PRPF6: variants seen among roughly 807,000 people sequenced by gnomAD.
PRPF6 encodes pre-mRNA processing factor 6.
A neutral mutation model predicts 118.3 loss-of-function variants in PRPF6; 42 were observed. The ratio of observed to expected loss-of-function variants is 0.35; its 90% CI spans 0.28 to 0.46. The LOEUF is 0.46. Among genes scored for constraint, PRPF6 ranks in the 20% least tolerant of loss-of-function variants. PRPF6 has a pLI of 1.00. For missense variants in PRPF6, 662 were observed against 1,255.7 expected, an observed-to-expected ratio of 0.53 and a Z score of 7.15; for synonymous variants, 481 against 485.1, an observed-to-expected ratio of 0.99 and a Z score of 0.11.
intron 10 of PRPF6, 104 bp downstream of exon 10, chr20:64,010,422 C>A: frequency 1.0e-6 from 1 of 986,174 alleles, no homozygotes; most frequent in Non-Finnish European, 1.6e-6. Flanking sequence ...TGAGCTCACT[C>A]AGGCTGCAAT....
chr20:64,006,241 A>G (rs963179150), intron 9 of PRPF6, among the ~76,000 whole-genome samples: 1 of 151,500 alleles, frequency 6.6e-6, no homozygotes, highest in African/African-American at 2.4e-5. Context: ...GGGCTGGTAC[A>G]TGAGGAGGCC....
intron 7 of PRPF6, 92 bp downstream of exon 7, chr20:63,999,231 G>A: frequency 2.9e-6 from 3 of 1,036,076 alleles, no homozygotes; most frequent in Admixed American, 1.9e-5. Flanking sequence ...TGTCAAAATG[G>A]GACATGGCGG....
chr20:64,014,198 C>G (rs2059227599), intron 11 of PRPF6, among the ~76,000 whole-genome samples: 1 of 152,068 alleles, frequency 6.6e-6, no homozygotes, highest in African/African-American at 2.4e-5. Context: ...CCTCGGCCTC[C>G]CAGAGTGCTG....
At chr20:64,022,902 C>T (rs773721208) in intron 13 of PRPF6, 24 bp downstream of exon 13, 2 of 1,613,786 alleles carry the variant, frequency 1.2e-6, no homozygotes, top group Non-Finnish European at 1.7e-6. Context: ...CCCGCCTGCC[C>T]AAGGGTGCTA....
intron 3 of PRPF6, among the ~76,000 whole-genome samples, chr20:63,986,850 ACT>A (rs1252857104): frequency 7.3e-5 from 11 of 150,638 alleles, no homozygotes; most frequent in Admixed American, 2.7e-4. Flanking sequence ...GATGATAAAA[ACT>A]CTCAAAAAAC....
At chr20:64,021,880 C>G (rs1479846386) in intron 12 of PRPF6, among the ~76,000 whole-genome samples, 1 of 148,182 alleles carries the variant, frequency 6.7e-6, no homozygotes, top group Non-Finnish European at 1.5e-5. Context: ...TCGGCCACAG[C>G]CCCGTGTCTG....
intron 1 of PRPF6, among the ~76,000 whole-genome samples, chr20:63,981,879 A>G (rs1050292848): frequency 6.6e-6 from 1 of 152,076 alleles, no homozygotes; most frequent in African/African-American, 2.4e-5. Flanking sequence ...ATAAGTACGT[A>G]AAGAGGACCA....
chr20:63,995,443 C>T lies in PRPF6; in HGVS notation c.732C>T (p.Gly244=), dbSNP rs745976215. The change falls in exon 6 of 21, where the codon GGC becomes GGT. Residue 244 remains glycine, a synonymous_variant. Coordinates refer to ENST00000266079, the MANE Select transcript of PRPF6 (RefSeq NM_012469.4). ...GTGAGCTGGACATGAGGAAGATTGGCCAAGCGAGGAACACTCTGATGGACA... is the reference window on the plus strand; with the variant it reads ...GTGAGCTGGACATGAGGAAGATTGGTCAAGCGAGGAACACTCTGATGGACA... ...GTGELDMRKI[G]QARNTLMDMR... 6.8e-6 allele frequency: 11 copies of T among 1,613,986 alleles called. No homozygotes were observed. Among genetic ancestry groups the T allele is most frequent in the Admixed American group, 3.3e-5 (2 of 59,988 alleles).
chr20:64,030,737 G>A (rs1207834279), intron 19 of PRPF6, among the ~76,000 whole-genome samples: 1 of 152,244 alleles, frequency 6.6e-6, no homozygotes, highest in Non-Finnish European at 1.5e-5. Flanking sequence ...TCTGCTATCT[G>A]GGTTTGTGCT....
chr20:64,021,577 C>T (rs1471616730), intron 12 of PRPF6, among the ~76,000 whole-genome samples: 11 of 127,840 alleles, frequency 8.6e-5, no homozygotes, highest in African/African-American at 3.4e-4. Context: ...TGTGTGTGTG[C>T]ACATATGCAT....
At chr20:64,002,022 T>TTG (rs1213889665) in intron 9 of PRPF6, among the ~76,000 whole-genome samples, 1 of 124,362 alleles carries the variant, frequency 8.0e-6, no homozygotes, top group Non-Finnish European at 1.7e-5. Context: ...TGGTTTTTTT[T>TTG]TTTTTTTTTT....
chr20:63,985,593 G>T (rs1221032005), intron 3 of PRPF6, among the ~76,000 whole-genome samples: 1 of 152,098 alleles, frequency 6.6e-6, no homozygotes, highest in Non-Finnish European at 1.5e-5. Context: ...ATACATCAGG[G>T]TTACCATCTT....
intron 13 of PRPF6, among the ~76,000 whole-genome samples, chr20:64,024,204 G>A (rs2059277743): frequency 6.6e-6 from 1 of 152,190 alleles, no homozygotes; most frequent in Non-Finnish European, 1.5e-5. Context: ...TCCGGGGTGC[G>A]CTTGTGCTCT....
At chr20:63,983,239 GCTC>G in intron 2 of PRPF6, 24 bp downstream of exon 2, 1 of 1,613,860 alleles carries the variant, frequency 6.2e-7, no homozygotes, top group Non-Finnish European at 8.5e-7. Context: ...GGCTTTCGTG[GCTC>G]CTCCAGCCAG....
intron 3 of PRPF6, among the ~76,000 whole-genome samples, chr20:63,993,205 G>A (rs1036448171): frequency 8.2e-5 from 12 of 145,984 alleles, no homozygotes; most frequent in Non-Finnish European, 1.6e-4. Context: ...GACAGAGCAA[G>A]ACTCCATCTC....
At chr20:64,031,643 A>C (rs1353667788) in intron 19 of PRPF6, among the ~76,000 whole-genome samples, 1 of 150,044 alleles carries the variant, frequency 6.7e-6, no homozygotes, top group Non-Finnish European at 1.5e-5. Flanking sequence ...ACTGCACTCC[A>C]GCCTGGGCGA....
At chr20:64,024,429 A>T in intron 13 of PRPF6, 126 bp from the exon 14 acceptor site, 1 of 1,282,022 alleles carries the variant, frequency 7.8e-7, no homozygotes, top group Non-Finnish European at 1.1e-6. Flanking sequence ...AAATCTGGTC[A>T]ATCATTTATA....
chr20:64,028,526 A>G lies in PRPF6; in HGVS notation c.2388A>G (p.Ala796=). 6.2e-7 allele frequency: 1 copy of G among 1,613,828 alleles called. No homozygotes were observed. The highest frequency in any genetic ancestry group is 8.5e-7 in the Non-Finnish European group (1 of 1,180,008). The change falls in exon 18 of 21, where the codon GCA becomes GCG. Residue 796 remains alanine, a synonymous_variant. Transcript: ENST00000266079. This position sits in a 1 kb window ranked among gnomAD's most constrained non-coding sequence, Gnocchi z 6.5. ...LEYRAGLKNI[A]NTLMAKALQE... Reference sequence around the variant, plus strand: ...ACCGTGCGGGGCTGAAGAACATCGCAAATACACTCATGGCCAAGGCGCTGC... The same window carrying G: ...ACCGTGCGGGGCTGAAGAACATCGCGAATACACTCATGGCCAAGGCGCTGC...
chr20:64,013,959 G>C (rs1056761305), intron 11 of PRPF6, among the ~76,000 whole-genome samples: 1 of 151,384 alleles, frequency 6.6e-6, no homozygotes, highest in Non-Finnish European at 1.5e-5. Context: ...TTTTGAGACA[G>C]GGTGGGTCTC....
Sources: gnomAD v4.1 joint callset for allele counts (sites outside exome capture counted in the v4.1 genomes callset) on GRCh38, gnomAD v4.1.1 for gene constraint, Gnocchi (gnomAD v3.1) non-coding constraint, MANE v1.5 for transcripts, NCBI Gene and HGNC (gene_info 2026-07-23, HGNC 2026-07-21) for gene names.